The following SATB2 variants were observed in gnomAD, a reference collection of about 807,000 sequenced individuals.
The protein encoded by SATB2 is SATB homeobox 2, also known as DNA-binding protein SATB2.
Under a neutral mutation model 73.4 loss-of-function variants are expected in SATB2, and 1 was observed. The ratio of observed to expected loss-of-function variants is 0.01; its 90% CI spans 0.00 to 0.06. The LOEUF is 0.06. SATB2 is among the 10% of genes least tolerant of loss of function. The pLI, the probability that SATB2 is intolerant of heterozygous loss-of-function variation, is 1.00. For missense variants in SATB2, 459 were observed against 945.8 expected, an observed-to-expected ratio of 0.49 and a Z score of 6.75; for synonymous variants, 397 against 367.0, an observed-to-expected ratio of 1.08 and a Z score of -0.93.
intron 3 of SATB2, among the ~76,000 whole-genome samples, chr2:199,400,189 T>C (rs1690429620): frequency 6.6e-6 from 1 of 152,194 alleles, no homozygotes; most frequent in Non-Finnish European, 1.5e-5. Flanking sequence ...TGAAAAACTA[T>C]ACAATTCATG....
At chr2:199,453,155 T>C (rs941999392) in intron 2 of SATB2, among the ~76,000 whole-genome samples, 9 of 152,112 alleles carry the variant, frequency 5.9e-5, no homozygotes, top group African/African-American at 2.2e-4. Flanking sequence ...AACCAATGCA[T>C]TCAGAAGTAT....
chr2:199,349,967 A>C (rs971760084), intron 6 of SATB2, among the ~76,000 whole-genome samples: 2 of 152,300 alleles, frequency 1.3e-5, no homozygotes, highest in Admixed American at 6.5e-5. Flanking sequence ...ATAATGTCTT[A>C]GGAAAGACAG....
chr2:199,325,873 A>G (rs1688015249), intron 8 of SATB2: 1 of 152,192 alleles, frequency 6.6e-6, no homozygotes, highest in African/African-American at 2.4e-5. Context: ...ACAAATGATC[A>G]TTCTTATCTT....
rs566567432 is a variant in SATB2 at position 199,328,473 on chromosome 2, G to A, written c.1386+225C>T. Among the ~76,000 whole-genome samples, 36 of 151,998 alleles carry A rather than the reference G, an allele frequency of 2.4e-4. 1 individual carries two copies. The highest frequency in any genetic ancestry group is 7.7e-4 in the East Asian group (4 of 5,162). On this transcript the variant is annotated intron_variant, in intron 8 of 10. Transcript: ENST00000417098. ...GGAGAATTCCTTGAACCCAGGAGGC[G>A]GAGGCTGCAGTGAGCCGAGATCATG...
intron 9 of SATB2, among the ~76,000 whole-genome samples, chr2:199,313,883 C>T (rs1424531952): frequency 6.6e-6 from 1 of 152,080 alleles, no homozygotes; most frequent in African/African-American, 2.4e-5. Flanking sequence ...CTTTCATGAC[C>T]TTGTCTCCCA....
chr2:199,386,325 G>A (rs1200655531), intron 3 of SATB2, among the ~76,000 whole-genome samples: 1 of 152,122 alleles, frequency 6.6e-6, no homozygotes, highest in Non-Finnish European at 1.5e-5. Flanking sequence ...TCAGATTTGA[G>A]ATGCTCAACC....
intron 3 of SATB2, among the ~76,000 whole-genome samples, chr2:199,408,260 G>T (rs1175566102): frequency 6.6e-6 from 1 of 151,960 alleles, no homozygotes; most frequent in East Asian, 1.9e-4. Flanking sequence ...TCAAAAGGAT[G>T]GGCTATAACA....
intron 2 of SATB2, among the ~76,000 whole-genome samples, chr2:199,438,242 T>C (rs889998995): frequency 1.8e-4 from 27 of 152,258 alleles, no homozygotes; most frequent in Non-Finnish European, 3.1e-4. Flanking sequence ...TTTAAAATTA[T>C]ACATGTGGCT....
chr2:199,300,040 C>T (rs907444245), intron 10 of SATB2, among the ~76,000 whole-genome samples: 7 of 152,130 alleles, frequency 4.6e-5, no homozygotes, highest in Non-Finnish European at 7.4e-5. Context: ...TATTTTGCCT[C>T]TGTCTTTCTC....
At chr2:199,324,241 T>C (rs1453462517) in intron 8 of SATB2, among the ~76,000 whole-genome samples, 3 of 152,000 alleles carry the variant, frequency 2.0e-5, no homozygotes, top group East Asian at 3.9e-4. Context: ...TAAGCAACCA[T>C]CTAACTACAA....
intron 2 of SATB2, among the ~76,000 whole-genome samples, chr2:199,438,525 G>T (rs1300170348): frequency 5.3e-5 from 8 of 152,096 alleles, no homozygotes; most frequent in Admixed American, 5.2e-4. Context: ...TCTTTTATTA[G>T]GGAACAGCTC....
chr2:199,277,773 C>G (rs1692361465), intron 10 of SATB2, among the ~76,000 whole-genome samples: 1 of 152,098 alleles, frequency 6.6e-6, no homozygotes, highest in Admixed American at 6.6e-5. Flanking sequence ...GACCTAAATG[C>G]TATAAATATA....
chr2:199,308,649 G>A lies in SATB2; in HGVS notation c.1740+111C>T. 1.1e-6 allele frequency: 1 copy of A among 877,890 alleles called. No individual in the cohort carries two copies. Among genetic ancestry groups the A allele is most frequent in the Non-Finnish European group, 1.9e-6 (1 of 536,892 alleles). 54.4% of individuals were successfully genotyped at this position (877,890 alleles called of 1,614,324 possible). A position where few individuals can be genotyped will look rare whatever the true frequency, so the allele number is the denominator to read the frequency against. Reference sequence around the variant, plus strand: ...TCTTCTGTACTTGGGGACCTGGCATGAGACACCCTCTGACAGAAGTTGGTG... The same window carrying A: ...TCTTCTGTACTTGGGGACCTGGCATAAGACACCCTCTGACAGAAGTTGGTG... On this transcript the variant is annotated intron_variant, in intron 10 of 10. Transcript: ENST00000417098. The surrounding 1 kb of genome is among the most constrained non-coding windows in gnomAD (Gnocchi z 4.6).
rs955130914 is a variant in SATB2, at chr2:199,328,752, A to G, written c.1332T>C (p.Asn444=). 6.2e-6 allele frequency: 10 copies of G among 1,613,884 alleles called. No homozygotes were observed. In the South Asian group the frequency reaches 7.7e-5, roughly 12 times the overall value. The part of the protein sequence containing the change: ...QDERERSMNP[N]VSMVSSASSS... Reference sequence around the variant, plus strand: ...TGGAGGCCGAGGAGACCATGCTCACATTGGGATTCATGCTCCGCTCCCTCT... The same window carrying G: ...TGGAGGCCGAGGAGACCATGCTCACGTTGGGATTCATGCTCCGCTCCCTCT... Residue 444 remains asparagine, a synonymous_variant, in exon 8 of 11, where the codon AAT becomes AAC. Coordinates refer to ENST00000417098, the MANE Select transcript of SATB2 (RefSeq NM_001172509.2).
chr2:199,346,891 G>T (rs1688668663), intron 7 of SATB2: 1 of 113,632 alleles, frequency 8.8e-6, no homozygotes, highest in African/African-American at 3.2e-5. Context: ...TTGAGATGGA[G>T]TTTCACTCTC....
chr2:199,406,377 A>C (rs1298211314), intron 3 of SATB2, among the ~76,000 whole-genome samples: 1 of 152,210 alleles, frequency 6.6e-6, no homozygotes, highest in Non-Finnish European at 1.5e-5. Flanking sequence ...TAAATCTATT[A>C]AATTCCAAGC....
chr2:199,306,263 T>C (rs980172949), intron 10 of SATB2, among the ~76,000 whole-genome samples: 3 of 152,202 alleles, frequency 2.0e-5, no homozygotes, highest in Admixed American at 6.5e-5. Flanking sequence ...ACTTTTCATA[T>C]TATGACTGTA....
chr2:199,420,337 C>T (rs1691127204), intron 3 of SATB2, among the ~76,000 whole-genome samples: 1 of 152,190 alleles, frequency 6.6e-6, no homozygotes, highest in Non-Finnish European at 1.5e-5. Context: ...ACCCATACCA[C>T]TCCTTTTTTC....
chr2:199,345,138 G>C (rs947854503), intron 7 of SATB2, among the ~76,000 whole-genome samples: 2 of 152,008 alleles, frequency 1.3e-5, no homozygotes, highest in Non-Finnish European at 2.9e-5. Flanking sequence ...TGCTGCTGCT[G>C]GTGGTGGTGA....
Sources: gnomAD v4.1 joint callset for allele counts (sites outside exome capture counted in the v4.1 genomes callset) on GRCh38, gnomAD v4.1.1 for gene constraint, Gnocchi (gnomAD v3.1) non-coding constraint, MANE v1.5 for transcripts, NCBI Gene and HGNC (gene_info 2026-07-23, HGNC 2026-07-21) for gene names.